The following KIF13B variants were observed in gnomAD, a reference collection of about 807,000 sequenced individuals.
KIF13B encodes kinesin-like protein KIF13B.
KIF13B carries 127 observed loss-of-function variants against 222.0 expected under a neutral mutation model. That is an observed-to-expected ratio of 0.57 (90% confidence interval 0.50 to 0.66). The LOEUF (loss-of-function observed/expected upper bound fraction) is 0.66, where lower values mean the gene tolerates loss of function less well. Among genes scored for constraint, KIF13B ranks in the 30% least tolerant of loss-of-function variants. KIF13B has a pLI of 0.00. For missense variants in KIF13B, 2,173 were observed against 2,379.0 expected, an observed-to-expected ratio of 0.91 and a Z score of 1.80; for synonymous variants, 976 against 919.0, an observed-to-expected ratio of 1.06 and a Z score of -1.12.
In KIF13B at chr8:29,130,753, T is replaced by C. The variant is rs1810308418; in HGVS notation, c.2943-88A>G. 9.1e-6 allele frequency: 11 copies of C among 1,210,456 alleles called. No homozygotes were observed. The East Asian group carries it at 1.9e-4, about 21-fold the overall frequency. The allele number at this position is 1,210,456 out of a possible 1,614,324, so 75.0% of individuals were successfully genotyped here. The stretch of plus-strand genomic sequence containing the variant: ...GTCCTACACACATAAGAATTAACAA[T>C]GAAAATGACCTCCAAACAGAGTAAT... On this transcript the variant is annotated intron_variant, in intron 23 of 39. Coordinates refer to ENST00000524189, the MANE Select transcript of KIF13B (RefSeq NM_015254.4).
chr8:29,203,408 T>G (rs1813785229), intron 2 of KIF13B, among the ~76,000 whole-genome samples: 1 of 152,218 alleles, frequency 6.6e-6, no homozygotes, highest in Admixed American at 6.5e-5. Flanking sequence ...TTTCTCAGTT[T>G]AATCATGAGT....
intron 7 of KIF13B, 133 bp downstream of exon 7, chr8:29,181,786 A>G: frequency 5.9e-6 from 3 of 512,766 alleles, no homozygotes; most frequent in Non-Finnish European, 6.8e-6. Context: ...CATTTTTAGG[A>G]TTTTTGTAAA....
intron 37 of KIF13B, among the ~76,000 whole-genome samples, chr8:29,091,176 G>T (rs1020285775): frequency 6.6e-6 from 1 of 152,154 alleles, no homozygotes; most frequent in Non-Finnish European, 1.5e-5. Context: ...CCTCTAACCT[G>T]GGCATTATAG....
At chr8:29,100,702 G>A (rs979370320) in intron 35 of KIF13B, among the ~76,000 whole-genome samples, 2 of 152,052 alleles carry the variant, frequency 1.3e-5, no homozygotes, top group African/African-American at 2.4e-5. Flanking sequence ...CGCCCGCCTC[G>A]GCCTCCCAAA....
At chr8:29,109,827 G>C in intron 33 of KIF13B, 91 bp downstream of exon 33, 2 of 1,247,898 alleles carry the variant, frequency 1.6e-6, no homozygotes, top group Non-Finnish European at 2.2e-6. Context: ...TCAAATGTTA[G>C]GTGCAACAAC....
chr8:29,191,618 T>C (rs1221899603), intron 3 of KIF13B, among the ~76,000 whole-genome samples: 1 of 152,224 alleles, frequency 6.6e-6, no homozygotes, highest in Non-Finnish European at 1.5e-5. Context: ...ACCAAAAAAC[T>C]ATATGCATAA....
intron 2 of KIF13B, among the ~76,000 whole-genome samples, chr8:29,244,794 T>G (rs192000926): frequency 6.6e-6 from 1 of 152,308 alleles, no homozygotes; most frequent in Non-Finnish European, 1.5e-5. Flanking sequence ...ACTCAAATAT[T>G]CATCCTCAGC....
intron 11 of KIF13B, among the ~76,000 whole-genome samples, chr8:29,166,510 G>A (rs1420310516): frequency 6.6e-6 from 1 of 152,142 alleles, no homozygotes; most frequent in African/African-American, 2.4e-5. Context: ...TTCAAGACCA[G>A]CCTGACCAAC....
At position 29,070,800 on chromosome 8, in the gene KIF13B, G is replaced by T. The variant is rs753785841; in HGVS notation, c.5219-34C>A. 9 of 1,575,778 alleles carry T rather than the reference G, an allele frequency of 5.7e-6. No individual in the cohort carries two copies. Among genetic ancestry groups the T allele is most frequent in the Admixed American group, 1.8e-5 (1 of 54,574 alleles). Reference sequence around the variant, plus strand: ...GAAGGAGAGGGTGATATGGAGGGCAGCCGAGCTGCAGACGGCCCCCTGCAC... The same window carrying T: ...GAAGGAGAGGGTGATATGGAGGGCATCCGAGCTGCAGACGGCCCCCTGCAC... On this transcript the variant is annotated intron_variant, in intron 39 of 39. Coordinates refer to ENST00000524189, the MANE Select transcript of KIF13B (RefSeq NM_015254.4). The surrounding 1 kb of genome is among the most constrained non-coding windows in gnomAD (Gnocchi z 4.1).
chr8:29,131,984 C>T (rs901385343), intron 23 of KIF13B, among the ~76,000 whole-genome samples: 8 of 152,164 alleles, frequency 5.3e-5, no homozygotes, highest in Non-Finnish European at 8.8e-5. Context: ...TGGTGGCTCA[C>T]GCCTGTAATC....
chr8:29,165,580 A>G (rs1811956199), intron 12 of KIF13B, 82 bp downstream of exon 12: 1 of 843,632 alleles, frequency 1.2e-6, no homozygotes, highest in East Asian at 2.4e-5. Context: ...GCTGAAGATC[A>G]AAAAGGAACC....
chr8:29,243,513 A>C (rs549304080), intron 2 of KIF13B, among the ~76,000 whole-genome samples: 1 of 151,660 alleles, frequency 6.6e-6, no homozygotes, highest in South Asian at 2.1e-4. Context: ...AAAATTAGCC[A>C]GGCATGGTGG....
At chr8:29,182,584 C>A (rs1586892686) in intron 6 of KIF13B, among the ~76,000 whole-genome samples, 1 of 149,326 alleles carries the variant, frequency 6.7e-6, no homozygotes, top group Admixed American at 6.7e-5. Context: ...ATTAAATATT[C>A]ATTAAGTTTT....
intron 2 of KIF13B, among the ~76,000 whole-genome samples, chr8:29,201,307 C>T (rs547731021): frequency 6.6e-6 from 1 of 152,296 alleles, no homozygotes; most frequent in Admixed American, 6.5e-5. Context: ...CTAACCTCTT[C>T]CTCCTTTTTA....
At chr8:29,184,800 G>T (rs1812860828) in intron 6 of KIF13B, among the ~76,000 whole-genome samples, 1 of 152,092 alleles carries the variant, frequency 6.6e-6, no homozygotes, top group Non-Finnish European at 1.5e-5. Flanking sequence ...AGTAGGTCTG[G>T]GCTGGATCTC....
chr8:29,172,636 A>G (rs1172228886), intron 10 of KIF13B, among the ~76,000 whole-genome samples: 1 of 152,250 alleles, frequency 6.6e-6, no homozygotes, highest in Non-Finnish European at 1.5e-5. Context: ...AGAAGAGCAC[A>G]GCCTTGGCAA....
rs1268578271 is a variant in KIF13B at position 29,099,244 on chromosome 8, A to G, written c.4216-3T>C. ...TCCTGCTGACTTTCCCACCGGCCCT[A>G]GTAAAGACAAAATTGGCAATTTTGT... On this transcript the variant is annotated splice_polypyrimidine_tract_variant and splice_region_variant and intron_variant, in intron 35 of 39. Transcript: ENST00000524189. 6.9e-6 allele frequency: 11 copies of G among 1,589,616 alleles called. No homozygotes were observed. In the South Asian group the frequency reaches 1.3e-4, roughly 18 times the overall value.
intron 6 of KIF13B, 80 bp from the exon 7 acceptor site, chr8:29,182,086 T>A: frequency 9.4e-7 from 1 of 1,060,756 alleles, no homozygotes; most frequent in South Asian, 1.4e-5. Flanking sequence ...CATAAAAATA[T>A]ACAATGAATC....
Position 29,145,967 on chromosome 8 carries a change from A to T in KIF13B, c.2187+411T>A, listed in dbSNP as rs116589578. The T allele has an allele frequency of 4.1e-3, 1,184 of 287,724 alleles. 12 individuals are homozygous for T. Among genetic ancestry groups the T allele is most frequent in the African/African-American group, 0.025 (1,121 of 45,662 alleles). 17.8% of individuals were successfully genotyped at this position (287,724 alleles called of 1,614,324 possible). ...CATGACACAACTAATGAGCAGTTTTACAGAGCAAGCTATTCCAAGTAGAAA... is the reference window on the plus strand; with the variant it reads ...CATGACACAACTAATGAGCAGTTTTTCAGAGCAAGCTATTCCAAGTAGAAA... On this transcript the variant is annotated intron_variant, in intron 18 of 39. Coordinates refer to ENST00000524189, the MANE Select transcript of KIF13B (RefSeq NM_015254.4).
Sources: gnomAD v4.1 joint callset for allele counts (sites outside exome capture counted in the v4.1 genomes callset) on GRCh38, gnomAD v4.1.1 for gene constraint, Gnocchi (gnomAD v3.1) non-coding constraint, MANE v1.5 for transcripts, NCBI Gene and HGNC (gene_info 2026-07-23, HGNC 2026-07-21) for gene names.